Variants in CNBD1 observed in about 807,000 individuals in gnomAD.
The protein encoded by CNBD1 is cyclic nucleotide binding domain containing 1.
A neutral mutation model predicts 54.4 loss-of-function variants in CNBD1; 71 were observed. The ratio of observed to expected loss-of-function variants is 1.30; its 90% CI spans 1.08 to 1.59. The LOEUF is 1.59. Ranked by LOEUF, CNBD1 falls within the 40% of genes most tolerant of loss-of-function variation. The pLI, the probability that CNBD1 is intolerant of heterozygous loss-of-function variation, is 0.00. For missense variants in CNBD1, 659 were observed against 518.0 expected (o/e 1.27, Z -2.64); for synonymous variants, 182 against 170.7 (o/e 1.07, Z -0.51).
chr8:87,373,420 A>C (rs79063679), intron 10 of CNBD1, among the ~76,000 whole-genome samples: 1 of 151,834 alleles, frequency 6.6e-6, no homozygotes, highest in Non-Finnish European at 1.5e-5. Flanking sequence ...CCCTTGCTGC[A>C]TCTCTCGCTT....
intron 4 of CNBD1, among the ~76,000 whole-genome samples, chr8:87,151,620 C>T (rs1165930071): frequency 6.6e-6 from 1 of 152,144 alleles, no homozygotes; most frequent in Non-Finnish European, 1.5e-5. Context: ...TATGAGACAA[C>T]ACTTATGACA....
chr8:86,899,359 A>G (rs944944007), intron 2 of CNBD1, among the ~76,000 whole-genome samples: 4 of 152,096 alleles, frequency 2.6e-5, no homozygotes, highest in Admixed American at 2.6e-4. Flanking sequence ...ACTATATGAA[A>G]TGATGGATAT....
chr8:87,170,060 AT>A (rs552485978), intron 4 of CNBD1, among the ~76,000 whole-genome samples: 1 of 152,146 alleles, frequency 6.6e-6, no homozygotes, highest in Admixed American at 6.6e-5. Context: ...ATATATTTCA[AT>A]TTTTTGGCCT....
chr8:87,059,924 C>A (rs139963203), intron 4 of CNBD1, among the ~76,000 whole-genome samples: 9 of 152,290 alleles, frequency 5.9e-5, no homozygotes, highest in African/African-American at 1.9e-4. Flanking sequence ...ATTAGTTTGG[C>A]AGCCTGTGCT....
chr8:87,420,023 C>A (rs1454966911), intron 2 of CNBD1, among the ~76,000 whole-genome samples: 3 of 150,460 alleles, frequency 2.0e-5, no homozygotes, highest in African/African-American at 7.3e-5. Context: ...ATATAGAAAG[C>A]ACTATACATA....
intron 4 of CNBD1, among the ~76,000 whole-genome samples, chr8:87,004,750 A>G (rs550173823): frequency 1.3e-5 from 2 of 152,214 alleles, no homozygotes; most frequent in African/African-American, 4.8e-5. Context: ...ACCTAAAACT[A>G]GGTTTTAGGT....
chr8:86,974,232 A>G (rs1157731468), intron 4 of CNBD1, among the ~76,000 whole-genome samples: 2 of 152,180 alleles, frequency 1.3e-5, no homozygotes, highest in African/African-American at 2.4e-5. Context: ...CAAGTTGAAA[A>G]AAAATTCAGA....
chr8:87,284,902 T>A, intron 7 of CNBD1, 87 bp downstream of exon 7: 3 of 948,840 alleles, frequency 3.2e-6, no homozygotes, highest in Non-Finnish European at 4.5e-6. Context: ...GACAGCTATA[T>A]CTGTTTTATT....
intron 4 of CNBD1, among the ~76,000 whole-genome samples, chr8:86,940,062 G>T (rs964687090): frequency 2.0e-5 from 3 of 151,446 alleles, no homozygotes; most frequent in Admixed American, 6.6e-5. Flanking sequence ...CCTTAGCTTG[G>T]GTTATCGGAA....
intron 2 of CNBD1, among the ~76,000 whole-genome samples, chr8:87,399,541 T>C (rs1563587332): frequency 6.6e-6 from 1 of 152,036 alleles, no homozygotes; most frequent in African/African-American, 2.4e-5. Flanking sequence ...GTCTGAGTTA[T>C]CCTGGATAAT....
chr8:86,920,729 C>T (rs1259527718), intron 3 of CNBD1, among the ~76,000 whole-genome samples: 2 of 152,260 alleles, frequency 1.3e-5, no homozygotes, highest in East Asian at 3.9e-4. Context: ...AAAATTGATA[C>T]ATAAGTTTGG....
At chr8:86,869,256 G>T (rs1563805052) in intron 1 of CNBD1, among the ~76,000 whole-genome samples, 1 of 152,102 alleles carries the variant, frequency 6.6e-6, no homozygotes, top group Non-Finnish European at 1.5e-5. Context: ...TACACTTAAG[G>T]ATAATAAGGC....
At chr8:86,908,450 A>G (rs968772074) in intron 3 of CNBD1, among the ~76,000 whole-genome samples, 28 of 152,200 alleles carry the variant, frequency 1.8e-4, no homozygotes, top group Non-Finnish European at 3.7e-4. Context: ...GACTTTGAAG[A>G]AAGAAGTCTG....
intron 4 of CNBD1, among the ~76,000 whole-genome samples, chr8:87,078,346 T>C (rs1586240932): frequency 6.6e-6 from 1 of 152,244 alleles, no homozygotes; most frequent in East Asian, 1.9e-4. Context: ...ATAATGTTAA[T>C]GTCAGTGTAA....
At chr8:87,244,068 C>CT (rs1807754677) in intron 6 of CNBD1, among the ~76,000 whole-genome samples, 1 of 152,070 alleles carries the variant, frequency 6.6e-6, no homozygotes, top group Admixed American at 6.6e-5. Flanking sequence ...TCAGGTGGTC[C>CT]TGATGATATC....
At chr8:87,012,802 C>A (rs949469057) in intron 4 of CNBD1, among the ~76,000 whole-genome samples, 3 of 152,170 alleles carry the variant, frequency 2.0e-5, no homozygotes, top group Non-Finnish European at 4.4e-5. Flanking sequence ...AGCCTGGAAG[C>A]CCCCACTTTG....
chr8:87,196,005 A>G (rs996420936), intron 4 of CNBD1, among the ~76,000 whole-genome samples: 1 of 152,124 alleles, frequency 6.6e-6, no homozygotes, highest in Non-Finnish European at 1.5e-5. Context: ...GTTCTGTAAT[A>G]TAAATTGATT....
chr8:87,426,993 G>C (rs1035173455), intron 2 of CNBD1, among the ~76,000 whole-genome samples: 2 of 152,118 alleles, frequency 1.3e-5, no homozygotes, highest in Admixed American at 6.5e-5. Context: ...ATAAAATCAT[G>C]TAAACTTTGG....
intron 4 of CNBD1, among the ~76,000 whole-genome samples, chr8:87,040,519 G>T (rs545651616): frequency 9.9e-5 from 15 of 151,044 alleles, no homozygotes; most frequent in Middle Eastern, 3.4e-3. Flanking sequence ...CGCCTTCCAG[G>T]TTAATGCCAT....
Sources: allele counts gnomAD v4.1 joint callset (sites outside exome capture counted in the v4.1 genomes callset), GRCh38; gene constraint gnomAD v4.1.1; transcripts MANE v1.5; gene names NCBI Gene and HGNC (gene_info 2026-07-23, HGNC 2026-07-21).